The following FCMR variants were observed in gnomAD, a reference collection of about 807,000 sequenced individuals.
FCMR encodes Fc mu receptor, also known as immunoglobulin mu Fc receptor.
A neutral mutation model predicts 41.6 loss-of-function variants in FCMR; 34 were observed. The observed-to-expected ratio is 0.82, with a 90% confidence interval of 0.62 to 1.09. FCMR has a LOEUF of 1.09. Ranked by LOEUF, FCMR falls within the 50% of genes least tolerant of loss-of-function variation. The pLI, the probability that FCMR is intolerant of heterozygous loss-of-function variation, is 0.00. For missense variants in FCMR, 496 were observed against 512.5 expected (o/e 0.97, Z 0.31); for synonymous variants, 209 against 211.8 (o/e 0.99, Z 0.12).
At chr1:206,905,287 C>T (rs921096387) in intron 7 of FCMR, 140 bp from the exon 8 acceptor site, 2 of 896,930 alleles carry the variant, frequency 2.2e-6, no homozygotes, top group Admixed American at 4.8e-5. Context: ...TGGCTCAGCT[C>T]CATCAAGTGG....
At chr1:206,914,815 C>T (rs1679118141) in intron 1 of FCMR, among the ~76,000 whole-genome samples, 1 of 152,134 alleles carries the variant, frequency 6.6e-6, no homozygotes, top group Non-Finnish European at 1.5e-5. Context: ...TGTTCACCCC[C>T]AATCCTATGC....
chr1:206,906,643 T>C (rs781687461), intron 7 of FCMR, among the ~76,000 whole-genome samples: 2 of 152,196 alleles, frequency 1.3e-5, no homozygotes, highest in Non-Finnish European at 2.9e-5. Flanking sequence ...TAATGAGTCA[T>C]TAAGCATAGG....
At chr1:206,913,230 A>G (rs974560422) in intron 2 of FCMR, among the ~76,000 whole-genome samples, 188 bp from the exon 3 acceptor site, 5 of 152,352 alleles carry the variant, frequency 3.3e-5, no homozygotes, top group Middle Eastern at 3.4e-3. Flanking sequence ...AGTCCAGTCA[A>G]CATTCCCTGC....
chr1:206,907,667 G>A, intron 7 of FCMR: 1 of 791,330 alleles, frequency 1.3e-6, no homozygotes, highest in Non-Finnish European at 2.3e-6. Context: ...CCATCTCCTG[G>A]GCCCCCTGGC....
At chr1:206,914,220 C>A (rs1679078399) in intron 1 of FCMR, 126 bp from the exon 2 acceptor site, 1 of 683,848 alleles carries the variant, frequency 1.5e-6, no homozygotes, top group African/African-American at 1.8e-5. Context: ...CACATTCATC[C>A]CCAGATCCAG....
rs755042951 is a variant in FCMR, at chr1:206,913,803, G to A, written c.329C>T (p.Thr110Ile). The change falls in exon 2 of 8, where the codon ACA (threonine) becomes ATA (isoleucine). Residue 110 changes from threonine to isoleucine, a missense_variant. Physicochemically the swap from Thr to Ile is moderately conservative, Grantham distance 89. Coordinates refer to ENST00000367091, the MANE Select transcript of FCMR (RefSeq NM_005449.5). ...GACTTTCTGGGTCTTTCCCCGGTCTGTGTTCATGCCCGCTCCGCAGGCATA... is the reference window on the plus strand; with the variant it reads ...GACTTTCTGGGTCTTTCCCCGGTCTATGTTCATGCCCGCTCCGCAGGCATA... ...GVYACGAGMNTDRGKTQKVTL... is the reference protein window; with the variant it reads ...GVYACGAGMNIDRGKTQKVTL... The A allele has an allele frequency of 7.4e-6, 12 of 1,614,124 alleles. No homozygotes were observed. The South Asian group carries it at 1.3e-4, about 18-fold the overall frequency.
intron 1 of FCMR, among the ~76,000 whole-genome samples, chr1:206,920,667 G>C (rs1337466840): frequency 1.3e-5 from 2 of 152,128 alleles, no homozygotes; most frequent in Non-Finnish European, 2.9e-5. Context: ...GGCAGTAGGA[G>C]TCATTAGAGG....
In FCMR at chr1:206,909,423, C is replaced by A; in HGVS notation, c.1044+39G>T. On this transcript the variant is annotated intron_variant, in intron 7 of 7. Coordinates refer to ENST00000367091, the MANE Select transcript of FCMR (RefSeq NM_005449.5). The surrounding 1 kb of genome is among the most constrained non-coding windows in gnomAD (Gnocchi z 5.0). ...CCGCCCAGGGCTGGGGCCGCCCAGT[C>A]GGGCCGCGGCTGCCAATCAGGGCAG... 8.3e-7 allele frequency: 1 copy of A among 1,202,132 alleles called. No homozygotes were observed. The highest frequency in any genetic ancestry group is 1.0e-6 in the Non-Finnish European group (1 of 959,030). The allele number at this position is 1,202,132 out of a possible 1,614,324, so 74.5% of individuals were successfully genotyped here. A position where few individuals can be genotyped will look rare whatever the true frequency, so the allele number is the denominator to read the frequency against.
chr1:206,918,650 A>AGTTTGT (rs1553238236), intron 1 of FCMR, among the ~76,000 whole-genome samples: 1 of 145,880 alleles, frequency 6.9e-6, no homozygotes, highest in Non-Finnish European at 1.5e-5. Flanking sequence ...ATAAATTTTA[A>AGTTTGT]GTGTGTGTGT....
intron 7 of FCMR, among the ~76,000 whole-genome samples, chr1:206,907,209 A>G (rs945562039): frequency 3.3e-5 from 5 of 150,338 alleles, no homozygotes; most frequent in African/African-American, 1.2e-4. Context: ...CTGGGGATTA[A>G]ATTTCTCAGC....
rs541797578 is a variant in FCMR, at chr1:206,904,875, T to C, written c.*144A>G. On this transcript the variant is annotated 3_prime_UTR_variant, in exon 8 of 8. Coordinates refer to ENST00000367091, the MANE Select transcript of FCMR (RefSeq NM_005449.5). ...GGCAGAGCCATGCTCAGGGCACAGA[T>C]AGATGGGGATGGGAGTCGAGATGGG... 8.8e-4 allele frequency: 775 copies of C among 885,550 alleles called. 1 individual carries two copies. The highest frequency in any genetic ancestry group is 1.2e-3 in the Non-Finnish European group (649 of 548,028). 54.9% of individuals were successfully genotyped at this position (885,550 alleles called of 1,614,324 possible).
rs543396472 is a variant in FCMR at position 206,913,435 on chromosome 1, G to A, written c.373+324C>T. On this transcript the variant is annotated intron_variant, in intron 2 of 7. Transcript: ENST00000367091. ...TTATTTCTCATGGGACAATTACGTT[G>A]GATAGTTATTTCCTTTTGCTTCCAA... 5.9e-5 allele frequency among the ~76,000 whole-genome samples: 9 copies of A among 152,254 alleles called. No individual in the cohort carries two copies. In the South Asian group the frequency reaches 1.5e-3, roughly 25 times the overall value.
chr1:206,913,860 A>T lies in FCMR; in HGVS notation c.272T>A (p.Val91Glu). ...YPRKNLFLVE[V>E]TQLTESDSGV... The stretch of plus-strand genomic sequence containing the variant: ...GCTGTCACTTTCTGTCAGCTGTGTT[A>T]CCTCCACTAGGAACAGATTCTTGCG... Residue 91 changes from valine to glutamate, a missense_variant, in exon 2 of 8, where the codon GTA becomes GAA. By Grantham distance (121) the Val-to-Glu change is moderately radical. Transcript: ENST00000367091. 6.2e-7 allele frequency: 1 copy of T among 1,614,144 alleles called. No homozygotes were observed. The highest frequency in any genetic ancestry group is 8.5e-7 in the Non-Finnish European group (1 of 1,180,036).
Position 206,913,760 on chromosome 1 carries a change from A to G in FCMR, c.372T>C (p.Ser124=). ...CCTCCAATCAGCGGAGGAACCTACCACTGTGGACATTCAGGGTGACTTTCT... is the reference window on the plus strand; with the variant it reads ...CCTCCAATCAGCGGAGGAACCTACCGCTGTGGACATTCAGGGTGACTTTCT... ...KTQKVTLNVH[S]EYEPSWEEQP... The change falls in exon 2 of 8, where the codon AGT becomes AGC. Residue 124 remains serine, a splice_region_variant and synonymous_variant. Transcript: ENST00000367091. 1 of 1,613,204 alleles carries G rather than the reference A, an allele frequency of 6.2e-7. No homozygotes were observed. The highest frequency in any genetic ancestry group is 8.5e-7 in the Non-Finnish European group (1 of 1,179,176).
rs573105172 is a variant in FCMR at position 206,911,725 on chromosome 1, C to A, written c.710+5G>T. The A allele has an allele frequency of 3.1e-6, 5 of 1,611,270 alleles. No homozygotes were observed. In the African/African-American group the frequency reaches 5.3e-5, roughly 17 times the overall value. On this transcript the variant is annotated splice_donor_5th_base_variant and intron_variant, in intron 4 of 7. Coordinates refer to ENST00000367091, the MANE Select transcript of FCMR (RefSeq NM_005449.5). ...AACTCTAGATCCTGGACAGTGGTCTCTTACCTCTGCCTGTGCAGCCTGGTG... is the reference window on the plus strand; with the variant it reads ...AACTCTAGATCCTGGACAGTGGTCTATTACCTCTGCCTGTGCAGCCTGGTG...
At chr1:206,920,737 G>A (rs559085066) in intron 1 of FCMR, among the ~76,000 whole-genome samples, 3 of 152,244 alleles carry the variant, frequency 2.0e-5, no homozygotes, top group Admixed American at 6.5e-5. Context: ...ATCTGGCACT[G>A]CAGGCATCCT....
chr1:206,911,582 G>A, intron 4 of FCMR, 148 bp downstream of exon 4: 1 of 689,678 alleles, frequency 1.4e-6, no homozygotes, highest in Non-Finnish European at 2.5e-6. Context: ...AGGAACTAAT[G>A]AGTTAATGAG....
At chr1:206,914,716 C>A (rs768519574) in intron 1 of FCMR, among the ~76,000 whole-genome samples, 1 of 152,008 alleles carries the variant, frequency 6.6e-6, no homozygotes, top group Non-Finnish European at 1.5e-5. Context: ...TGAGCCACCA[C>A]GCCCAACCCT....
Position 206,905,025 on chromosome 1 carries a change from A to G in FCMR, c.1167T>C (p.Pro389=). 1.2e-6 allele frequency: 2 copies of G among 1,614,064 alleles called. No individual in the cohort carries two copies. Among genetic ancestry groups the G allele is most frequent in the Non-Finnish European group, 1.7e-6 (2 of 1,180,002 alleles). The change falls in exon 8 of 8, where the codon CCT becomes CCC. Residue 389 remains proline (P), a synonymous_variant. Transcript: ENST00000367091. ...GGGGATAGCTGGGGAGTTGTCAGGC[A>G]GGAACATTGATGTAGTCATCTGAAT... ...DSDSDDYINV[P]A is the part of the protein sequence containing the mutation.
Sources: gnomAD v4.1 joint callset for allele counts (sites outside exome capture counted in the v4.1 genomes callset) on GRCh38, gnomAD v4.1.1 for gene constraint, Gnocchi (gnomAD v3.1) non-coding constraint, MANE v1.5 for transcripts, NCBI Gene and HGNC (gene_info 2026-07-23, HGNC 2026-07-21) for gene names.